SNTG1: variants seen among roughly 807,000 people sequenced by gnomAD.
SNTG1 encodes syntrophin gamma 1, also known as gamma-1-syntrophin.
A neutral mutation model predicts 74.7 loss-of-function variants in SNTG1; 39 were observed. The ratio of observed to expected loss-of-function variants is 0.52; its 90% confidence interval spans 0.40 to 0.68. The LOEUF (loss-of-function observed/expected upper bound fraction) is 0.68. Ranked by LOEUF, SNTG1 falls within the 30% of genes least tolerant of loss-of-function variation. The pLI, the probability that SNTG1 is intolerant of heterozygous loss-of-function variation, is 0.00. For synonymous variants in SNTG1, 254 were observed against 217.1 expected (o/e 1.17, Z -1.49); for missense variants, 685 against 609.5 (o/e 1.12, Z -1.30).
chr8:50,522,369 C>T lies in SNTG1; in HGVS notation c.467-7808C>T, dbSNP rs116192107. Among the ~76,000 whole-genome samples, 1,033 of 152,118 alleles carry T rather than the reference C, an allele frequency of 6.8e-3. 16 individuals carry two copies. Among genetic ancestry groups the T allele is most frequent in the African/African-American group, 0.024 (988 of 41,500 alleles). On this transcript the variant is annotated intron_variant, in intron 9 of 18. Coordinates refer to ENST00000642720, the MANE Select transcript of SNTG1 (RefSeq NM_018967.5). ...ACAGTGGGCTTAAATATTCAGTAAACCTTGCTGTAAACAGATATGCTGCCA... is the reference window on the plus strand; with the variant it reads ...ACAGTGGGCTTAAATATTCAGTAAATCTTGCTGTAAACAGATATGCTGCCA...
At chr8:50,723,080 C>G (rs551932225) in intron 17 of SNTG1, among the ~76,000 whole-genome samples, 2 of 152,202 alleles carry the variant, frequency 1.3e-5, no homozygotes, top group African/African-American at 2.4e-5. Context: ...TATCCTCAGA[C>G]TATCGTGCTA....
At chr8:49,978,751 T>G (rs1015297829) in intron 1 of SNTG1, among the ~76,000 whole-genome samples, 1 of 152,204 alleles carries the variant, frequency 6.6e-6, no homozygotes, top group Admixed American at 6.5e-5. Context: ...GTTACTTGTT[T>G]CCCTCATTAT....
At chr8:50,172,195 AATATT>A (rs1325922791) in intron 1 of SNTG1, among the ~76,000 whole-genome samples, 25 of 152,220 alleles carry the variant, frequency 1.6e-4, no homozygotes, top group African/African-American at 6.0e-4. Flanking sequence ...AATGCTTTTA[AATATT>A]ATCACTAATT....
At chr8:50,713,998 G>T (rs1164611613) in intron 17 of SNTG1, among the ~76,000 whole-genome samples, 1 of 148,250 alleles carries the variant, frequency 6.7e-6, no homozygotes, top group African/African-American at 2.5e-5. Flanking sequence ...GACAGAGGTT[G>T]CCATGAGTGG....
chr8:50,761,603 A>ATTT lies in SNTG1; in HGVS notation c.1395+9501_1395+9503dup, dbSNP rs200187689. On this transcript the variant is annotated intron_variant, in intron 18 of 18. Coordinates refer to ENST00000642720, the MANE Select transcript of SNTG1 (RefSeq NM_018967.5). ...CTAAGAAGAACATAGTGCCTGAGCT[A>ATTT]TTTTTTTTTTTCATGATCTGTGGTT... 5.3e-3 allele frequency among the ~76,000 whole-genome samples: 783 copies of ATTT among 148,316 alleles called. 9 individuals are homozygous for ATTT. The highest frequency in any genetic ancestry group is 0.017 in the African/African-American group (711 of 40,682).
chr8:50,521,049 A>G (rs2094175174), intron 9 of SNTG1, among the ~76,000 whole-genome samples: 1 of 152,194 alleles, frequency 6.6e-6, no homozygotes, highest in African/African-American at 2.4e-5. Flanking sequence ...TAGACTGGAT[A>G]AAGAAAATGT....
intron 1 of SNTG1, among the ~76,000 whole-genome samples, chr8:50,075,515 C>A (rs145034287): frequency 6.6e-6 from 1 of 152,154 alleles, no homozygotes; most frequent in Admixed American, 6.5e-5. Context: ...CCCGTCAAAA[C>A]GGACCAATCA....
At chr8:50,198,148 G>A (rs187307107) in intron 2 of SNTG1, among the ~76,000 whole-genome samples, 2 of 152,122 alleles carry the variant, frequency 1.3e-5, no homozygotes, top group East Asian at 1.9e-4. Flanking sequence ...CCCATTTGCC[G>A]CCCCTCAGCA....
At chr8:50,249,190 C>T (rs902478543) in intron 2 of SNTG1, among the ~76,000 whole-genome samples, 1 of 152,218 alleles carries the variant, frequency 6.6e-6, no homozygotes, top group African/African-American at 2.4e-5. Flanking sequence ...CTAGTCCTTA[C>T]AGGCCCTGAG....
intron 2 of SNTG1, among the ~76,000 whole-genome samples, chr8:50,272,740 C>T (rs1169709302): frequency 6.6e-6 from 1 of 152,014 alleles, no homozygotes; most frequent in Non-Finnish European, 1.5e-5. Context: ...TGTAATTCTA[C>T]ACTTTCTTTT....
intron 1 of SNTG1, among the ~76,000 whole-genome samples, chr8:50,042,913 G>A (rs1413811564): frequency 6.6e-6 from 1 of 152,120 alleles, no homozygotes; most frequent in African/African-American, 2.4e-5. Flanking sequence ...ACCAATAATT[G>A]TCTATTTAGC....
rs111361090 is a variant in SNTG1, at chr8:50,057,685, C to T, written c.-102-114876C>T. 9.2e-5 allele frequency among the ~76,000 whole-genome samples: 14 copies of T among 152,200 alleles called. 1 individual carries two copies. Among genetic ancestry groups the T allele is most frequent in the African/African-American group, 2.9e-4 (12 of 41,532 alleles). ...CTATGTACACAGAATGAAGTGTCAT[C>T]GGAAGCTTCTTCCTCCTCTGTCTTT... On this transcript the variant is annotated intron_variant, in intron 1 of 18. Coordinates refer to ENST00000642720, the MANE Select transcript of SNTG1 (RefSeq NM_018967.5).
chr8:50,570,159 T>TG, intron 12 of SNTG1, among the ~76,000 whole-genome samples: 1 of 151,908 alleles, frequency 6.6e-6, no homozygotes, highest in Non-Finnish European at 1.5e-5. Context: ...CCAAAACATC[T>TG]GCGTTGATTT....
intron 13 of SNTG1, among the ~76,000 whole-genome samples, chr8:50,633,098 A>G (rs1237955122): frequency 3.3e-5 from 5 of 152,230 alleles, no homozygotes; most frequent in Admixed American, 3.3e-4. Context: ...TTAGTAATAA[A>G]TATATTGATC....
intron 2 of SNTG1, among the ~76,000 whole-genome samples, chr8:50,223,871 C>A (rs899870800): frequency 4.0e-5 from 6 of 151,888 alleles, no homozygotes; most frequent in Non-Finnish European, 5.9e-5. Flanking sequence ...ATAGTGATAA[C>A]CCTAAAGTAT....
chr8:49,965,543 T>C (rs910874675), intron 1 of SNTG1, among the ~76,000 whole-genome samples: 1 of 152,172 alleles, frequency 6.6e-6, no homozygotes, highest in Admixed American at 6.6e-5. Flanking sequence ...AATCCTGCTC[T>C]GGACACCAGG....
At chr8:50,626,548 G>A (rs147059346) in intron 13 of SNTG1, among the ~76,000 whole-genome samples, 6,557 of 152,302 alleles carry the variant, frequency 0.043, 247 homozygotes, top group African/African-American at 0.095. Context: ...CATTATTTCT[G>A]TAGATTATAG....
intron 4 of SNTG1, among the ~76,000 whole-genome samples, chr8:50,427,515 A>G (rs2093178314): frequency 6.6e-6 from 1 of 152,054 alleles, no homozygotes; most frequent in Admixed American, 6.6e-5. Context: ...CACAGCCTCA[A>G]ACTATTTGGT....
intron 8 of SNTG1, among the ~76,000 whole-genome samples, chr8:50,455,655 A>G (rs2093498243): frequency 6.6e-6 from 1 of 152,180 alleles, no homozygotes; most frequent in African/African-American, 2.4e-5. Flanking sequence ...ATTCTTTTTT[A>G]CTTTAGATTA....
Sources: allele counts gnomAD v4.1 joint callset (sites outside exome capture counted in the v4.1 genomes callset), GRCh38; gene constraint gnomAD v4.1.1; transcripts MANE v1.5; gene names NCBI Gene and HGNC (gene_info 2026-07-23, HGNC 2026-07-21).